Variants in ZFAND3 observed in about 807,000 individuals in gnomAD.
The protein encoded by ZFAND3 is AN1-type zinc finger protein 3.
A neutral mutation model predicts 29.6 loss-of-function variants in ZFAND3; 10 were observed. That is an observed-to-expected ratio of 0.34 (90% confidence interval 0.21 to 0.57). The LOEUF (loss-of-function observed/expected upper bound fraction) is 0.57, where lower values mean the gene tolerates loss of function less well. Among genes scored for constraint, ZFAND3 ranks in the 20% least tolerant of loss-of-function variants. ZFAND3 has a pLI of 0.86. For missense variants in ZFAND3, 230 were observed against 304.5 expected (o/e 0.76, Z 1.82); for synonymous variants, 128 against 112.6 (o/e 1.14, Z -0.87).
chr6:38,151,885 A>T (rs1166807400), intron 5 of ZFAND3, among the ~76,000 whole-genome samples: 1 of 151,962 alleles, frequency 6.6e-6, no homozygotes, highest in Non-Finnish European at 1.5e-5. Context: ...CCAAGCAGAG[A>T]GCTGAGCTGA....
intron 2 of ZFAND3, among the ~76,000 whole-genome samples, chr6:38,021,856 G>A (rs1031149668): frequency 6.6e-6 from 1 of 152,242 alleles, no homozygotes; most frequent in Non-Finnish European, 1.5e-5. Context: ...AGGGAGAGTG[G>A]CACCAGCACC....
chr6:38,034,798 A>T (rs1763627043), intron 2 of ZFAND3, among the ~76,000 whole-genome samples: 1 of 150,812 alleles, frequency 6.6e-6, no homozygotes, highest in African/African-American at 2.4e-5. Context: ...TTATTTTCCC[A>T]TAGGCCTTTT....
intron 2 of ZFAND3, among the ~76,000 whole-genome samples, chr6:38,005,270 G>A (rs56366053): frequency 0.052 from 7,842 of 152,154 alleles, 300 homozygotes; most frequent in Non-Finnish European, 0.081. Flanking sequence ...CAGATCTGTC[G>A]AAGCATGTTT....
At chr6:38,051,442 T>G (rs1764024074) in intron 2 of ZFAND3, among the ~76,000 whole-genome samples, 1 of 152,166 alleles carries the variant, frequency 6.6e-6, no homozygotes, top group South Asian at 2.1e-4. Context: ...TGGGGTAAAA[T>G]ATTGCAGCCT....
chr6:37,855,935 T>G (rs760641182), intron 1 of ZFAND3, among the ~76,000 whole-genome samples: 6 of 152,196 alleles, frequency 3.9e-5, no homozygotes, highest in Admixed American at 6.5e-5. Flanking sequence ...ACAAGGGTGA[T>G]CTGTAAACCT....
intron 3 of ZFAND3, 44 bp downstream of exon 3, chr6:38,061,819 G>C: frequency 1.3e-6 from 2 of 1,599,230 alleles, no homozygotes; most frequent in Non-Finnish European, 1.7e-6. Context: ...AGCAGCTTAA[G>C]AACTTTAGAT....
chr6:37,998,216 A>G (rs1013287903), intron 2 of ZFAND3, among the ~76,000 whole-genome samples: 4 of 152,224 alleles, frequency 2.6e-5, no homozygotes, highest in Non-Finnish European at 5.9e-5. Flanking sequence ...GCTGCATTCT[A>G]TATAATTTCA....
In ZFAND3 at chr6:38,092,283, G is replaced by C. The variant is rs183271287; in HGVS notation, c.361+9826G>C. ...CAGTCCAGCACTTTACTAAAAGACT[G>C]CTGTGACAGAGTCCTGTAGTAGATT... On this transcript the variant is annotated intron_variant, in intron 4 of 5. Transcript: ENST00000287218. Among the ~76,000 whole-genome samples, 19 of 152,342 alleles carry C rather than the reference G, an allele frequency of 1.2e-4. No individual in the cohort carries two copies. In the East Asian group the frequency reaches 3.5e-3, roughly 28 times the overall value.
intron 5 of ZFAND3, among the ~76,000 whole-genome samples, chr6:38,130,504 A>G (rs1314213256): frequency 2.0e-5 from 3 of 152,118 alleles, no homozygotes. Flanking sequence ...TGATTTTGGT[A>G]AGAGTTTTAA....
intron 2 of ZFAND3, among the ~76,000 whole-genome samples, chr6:38,002,387 C>T (rs1443137819): frequency 2.7e-5 from 4 of 150,530 alleles, no homozygotes; most frequent in East Asian, 1.9e-4. Flanking sequence ...GGTTACAACA[C>T]GATATTCTAG....
chr6:37,942,937 A>T (rs1194244838), intron 2 of ZFAND3, among the ~76,000 whole-genome samples: 1 of 152,166 alleles, frequency 6.6e-6, no homozygotes, highest in Non-Finnish European at 1.5e-5. Flanking sequence ...AAAACTTTGA[A>T]ATAAAGACAT....
chr6:38,121,618 T>G (rs746183589), intron 5 of ZFAND3, among the ~76,000 whole-genome samples: 9 of 152,150 alleles, frequency 5.9e-5, no homozygotes, highest in Middle Eastern at 3.2e-3. Context: ...CACTCTTTAT[T>G]TGGGGTTTTA....
rs1053609438 is a variant in ZFAND3 at position 38,152,472 on chromosome 6, G to A, written c.*83G>A. 2.8e-6 allele frequency: 4 copies of A among 1,452,570 alleles called. No individual in the cohort carries two copies. Among genetic ancestry groups the A allele is most frequent in the South Asian group, 1.5e-5 (1 of 65,968 alleles). 90.0% of individuals were successfully genotyped at this position (1,452,570 alleles called of 1,614,324 possible). On this transcript the variant is annotated 3_prime_UTR_variant, in exon 6 of 6. Transcript: ENST00000287218. ...TAGGACAAAGTCAGCCAGACACCTT[G>A]TACTGGGCACGCGTCAGACTGCAGC... is the stretch of plus-strand genomic sequence containing the variant.
chr6:38,004,949 C>T (rs1763023715), intron 2 of ZFAND3, among the ~76,000 whole-genome samples: 1 of 152,180 alleles, frequency 6.6e-6, no homozygotes, highest in Admixed American at 6.5e-5. Flanking sequence ...TAGAAAATCA[C>T]TGTGGTCTCT....
In ZFAND3 at chr6:37,939,537, G is replaced by A. The variant is rs545376679; in HGVS notation, c.112+9538G>A. Reference sequence around the variant, plus strand: ...ATTCTGGGTGGACATATTTTGGGAGGTGGGGACAGGGACAGGGTGCATCAT... The same window carrying A: ...ATTCTGGGTGGACATATTTTGGGAGATGGGGACAGGGACAGGGTGCATCAT... On this transcript the variant is annotated intron_variant, in intron 2 of 5. Coordinates refer to ENST00000287218, the MANE Select transcript of ZFAND3 (RefSeq NM_021943.3). 6.0e-4 allele frequency among the ~76,000 whole-genome samples: 92 copies of A among 152,276 alleles called. 1 individual carries two copies. The highest frequency in any genetic ancestry group is 1.8e-3 in the African/African-American group (75 of 41,544).
chr6:38,077,859 T>C (rs532437804), intron 3 of ZFAND3, among the ~76,000 whole-genome samples: 7 of 152,326 alleles, frequency 4.6e-5, no homozygotes, highest in African/African-American at 1.7e-4. Flanking sequence ...ACTTCCTCCT[T>C]GAGTTGTAGT....
At position 38,072,656 on chromosome 6, in the gene ZFAND3, A is replaced by G. The variant is rs921904362; in HGVS notation, c.296-9736A>G. Among the ~76,000 whole-genome samples the G allele has an allele frequency of 3.3e-5, 5 of 152,150 alleles. No individual in the cohort carries two copies. In the East Asian group the frequency reaches 9.6e-4, roughly 29 times the overall value. ...ACAAAAATGTTTGGCTGAAAAAAAA[A>G]CATAATGGCATTTATGTGAATGTGT... On this transcript the variant is annotated intron_variant, in intron 3 of 5. Coordinates refer to ENST00000287218, the MANE Select transcript of ZFAND3 (RefSeq NM_021943.3).
intron 1 of ZFAND3, among the ~76,000 whole-genome samples, chr6:37,825,327 A>C (rs1763739521): frequency 6.6e-6 from 1 of 152,210 alleles, no homozygotes; most frequent in Non-Finnish European, 1.5e-5. Context: ...CATTCTATTA[A>C]AAAACAAAAT....
At chr6:37,912,229 C>G (rs1765536598) in intron 1 of ZFAND3, among the ~76,000 whole-genome samples, 1 of 152,092 alleles carries the variant, frequency 6.6e-6, no homozygotes, top group South Asian at 2.1e-4. Context: ...GAGTTGAATT[C>G]TGTCAGTCGG....
Sources: gnomAD v4.1 joint callset for allele counts (sites outside exome capture counted in the v4.1 genomes callset) on GRCh38, gnomAD v4.1.1 for gene constraint, MANE v1.5 for transcripts, NCBI Gene and HGNC (gene_info 2026-07-23, HGNC 2026-07-21) for gene names.